The following MCF2L2 variants were observed in gnomAD, a reference collection of about 807,000 sequenced individuals.
The protein encoded by MCF2L2 is probable guanine nucleotide exchange factor MCF2L2.
Under a neutral mutation model 150.2 loss-of-function variants are expected in MCF2L2, and 102 were observed. That is an observed-to-expected ratio of 0.68 (90% CI 0.58 to 0.80). The LOEUF (loss-of-function observed/expected upper bound fraction) is 0.80. MCF2L2 is among the 30% of genes least tolerant of loss of function. The probability of loss-of-function intolerance (pLI) is 0.00; values close to 1 mark genes in which losing one functional copy is unlikely to be tolerated. For missense variants in MCF2L2, 1,256 were observed against 1,372.8 expected, an observed-to-expected ratio of 0.91 and a Z score of 1.34; for synonymous variants, 465 against 491.3, an observed-to-expected ratio of 0.95 and a Z score of 0.71.
intron 14 of MCF2L2, chr3:183,287,510 A>G (rs867643693): frequency 4.6e-5 from 7 of 152,354 alleles, no homozygotes; most frequent in Middle Eastern, 3.4e-3. Context: ...GAGGACCACA[A>G]TGAAACCCTT....
chr3:183,324,934 T>C (rs903298171), intron 5 of MCF2L2, among the ~76,000 whole-genome samples: 2 of 151,656 alleles, frequency 1.3e-5, no homozygotes, highest in African/African-American at 4.9e-5. Flanking sequence ...TGGAATACTA[T>C]GCAGCCATAA....
chr3:183,184,013 TTTTG>T (rs1486944127), intron 27 of MCF2L2, among the ~76,000 whole-genome samples: 3 of 152,114 alleles, frequency 2.0e-5, no homozygotes, highest in Admixed American at 2.0e-4. Flanking sequence ...TTTTGTTTTG[TTTTG>T]TTTTTTTGTT....
At chr3:183,192,535 G>C (rs953945145) in intron 27 of MCF2L2, 2 of 154,160 alleles carry the variant, frequency 1.3e-5, no homozygotes, top group Non-Finnish European at 2.9e-5. Flanking sequence ...AGTGACTAAG[G>C]CTGGCGGGGT....
chr3:183,420,005 G>A (rs1395626126), intron 1 of MCF2L2, among the ~76,000 whole-genome samples: 3 of 152,240 alleles, frequency 2.0e-5, no homozygotes, highest in Admixed American at 2.0e-4. Flanking sequence ...CTTTGCTAAA[G>A]TATAGCATGA....
intron 27 of MCF2L2, 27 bp from the exon 28 acceptor site, chr3:183,180,186 G>A: frequency 6.8e-7 from 1 of 1,481,288 alleles, no homozygotes; most frequent in Non-Finnish European, 9.4e-7. Context: ...GAAGGATGGG[G>A]CCTCTGTGGG....
intron 5 of MCF2L2, among the ~76,000 whole-genome samples, chr3:183,337,761 CT>C (rs918833803): frequency 1.6e-4 from 24 of 152,202 alleles, no homozygotes; most frequent in African/African-American, 5.5e-4. Context: ...GTCTAAGCAG[CT>C]TCATGCAGAT....
At chr3:183,242,257 G>T (rs959879608) in intron 15 of MCF2L2, among the ~76,000 whole-genome samples, 16 of 152,206 alleles carry the variant, frequency 1.1e-4, no homozygotes, top group Non-Finnish European at 2.1e-4. Flanking sequence ...AGAAATTCAA[G>T]CCTGCTGCAG....
intron 5 of MCF2L2, among the ~76,000 whole-genome samples, chr3:183,324,072 T>C (rs1477114605): frequency 6.6e-6 from 1 of 152,072 alleles, no homozygotes; most frequent in Non-Finnish European, 1.5e-5. Context: ...TCAAAGCTGG[T>C]CGGGTAAATG....
chr3:183,274,527 C>T (rs1052262608), intron 15 of MCF2L2, among the ~76,000 whole-genome samples: 4 of 152,156 alleles, frequency 2.6e-5, no homozygotes, highest in African/African-American at 9.7e-5. Flanking sequence ...TATTGTGTAA[C>T]TCAATCTATA....
At chr3:183,232,102 G>A (rs189097932) in intron 15 of MCF2L2, among the ~76,000 whole-genome samples, 1 of 152,290 alleles carries the variant, frequency 6.6e-6, no homozygotes, top group Non-Finnish European at 1.5e-5. Context: ...GAGACTGGAA[G>A]CATAAAAAAG....
At chr3:183,337,499 G>A (rs1577072791) in intron 5 of MCF2L2, among the ~76,000 whole-genome samples, 1 of 145,016 alleles carries the variant, frequency 6.9e-6, no homozygotes, top group Admixed American at 7.0e-5. Context: ...GTTGCAGTGA[G>A]CTGAAATTGC....
chr3:183,239,984 C>T (rs996228686), intron 15 of MCF2L2, among the ~76,000 whole-genome samples: 7 of 152,156 alleles, frequency 4.6e-5, no homozygotes, highest in Admixed American at 3.3e-4. Context: ...TTTCTAGGGT[C>T]CCTAAAACAC....
At chr3:183,365,520 C>A (rs1712469382) in intron 3 of MCF2L2, among the ~76,000 whole-genome samples, 1 of 152,170 alleles carries the variant, frequency 6.6e-6, no homozygotes, top group South Asian at 2.1e-4. Context: ...CACTGAGGCA[C>A]AGATGGACTT....
intron 15 of MCF2L2, among the ~76,000 whole-genome samples, chr3:183,274,388 T>G (rs566860019): frequency 3.9e-5 from 6 of 152,304 alleles, no homozygotes; most frequent in African/African-American, 1.2e-4. Context: ...ACAGTCAATT[T>G]TAACCCTAAT....
intron 1 of MCF2L2, among the ~76,000 whole-genome samples, chr3:183,420,652 T>C (rs1309773048): frequency 6.6e-6 from 1 of 152,058 alleles, no homozygotes; most frequent in African/African-American, 2.4e-5. Flanking sequence ...AGGAAAGAAG[T>C]TTAACTGACT....
At chr3:183,246,211 A>G (rs1286027795) in intron 15 of MCF2L2, among the ~76,000 whole-genome samples, 1 of 152,168 alleles carries the variant, frequency 6.6e-6, no homozygotes, top group Non-Finnish European at 1.5e-5. Context: ...AAAATTTACT[A>G]TTTAAACCTT....
intron 1 of MCF2L2, among the ~76,000 whole-genome samples, chr3:183,400,079 C>T (rs1185914449): frequency 3.3e-5 from 5 of 152,144 alleles, no homozygotes; most frequent in African/African-American, 4.8e-5. Flanking sequence ...CATACTTACA[C>T]GTTCCATATT....
chr3:183,313,562 C>A (rs1022399776), intron 7 of MCF2L2, among the ~76,000 whole-genome samples: 3 of 152,188 alleles, frequency 2.0e-5, no homozygotes, highest in African/African-American at 4.8e-5. Context: ...CTGTCATGAA[C>A]ACAGACGGAA....
At chr3:183,311,581 G>A in intron 8 of MCF2L2, 67 bp downstream of exon 8, 1 of 1,573,006 alleles carries the variant, frequency 6.4e-7, no homozygotes. Flanking sequence ...TCTGTTCTTG[G>A]TTGCTCCAGA....
Sources: allele counts gnomAD v4.1 joint callset (sites outside exome capture counted in the v4.1 genomes callset), GRCh38; gene constraint gnomAD v4.1.1; transcripts MANE v1.5; gene names NCBI Gene and HGNC (gene_info 2026-07-23, HGNC 2026-07-21).